SRCIN1: variants seen among roughly 807,000 people sequenced by gnomAD.
The protein encoded by SRCIN1 is SRC kinase signaling inhibitor 1, also known as P130Cas-associated protein.
Under a neutral mutation model 116.2 loss-of-function variants are expected in SRCIN1, and 50 were observed. The observed-to-expected ratio is 0.43, with a 90% CI of 0.34 to 0.54. The LOEUF is 0.54. Ranked by LOEUF, SRCIN1 falls within the 20% of genes least tolerant of loss-of-function variation. The pLI is 0.02. For missense variants in SRCIN1, 1,446 were observed against 1,672.0 expected (o/e 0.86, Z 2.36); for synonymous variants, 736 against 750.0 (o/e 0.98, Z 0.30).
At chr17:38,540,020 CAAAAAAAAAAAA>C (rs71138631) in intron 18 of SRCIN1, among the ~76,000 whole-genome samples, 1 of 60,988 alleles carries the variant, frequency 1.6e-5, no homozygotes, top group East Asian at 3.8e-4. Flanking sequence ...GACTCCATCT[CAAAAAAAAAAAA>C]AAAAAAAAAA....
chr17:38,595,458 C>T (rs533027505), intron 1 of SRCIN1, among the ~76,000 whole-genome samples: 8 of 152,180 alleles, frequency 5.3e-5, no homozygotes, highest in African/African-American at 7.2e-5. Context: ...CCTCATGATC[C>T]GCCTGCCTCG....
chr17:38,578,476 GGGAGCC>G lies in SRCIN1; in HGVS notation c.324+8_324+13del. The G allele has an allele frequency of 1.9e-6, 3 of 1,562,946 alleles. No individual in the cohort carries two copies. Among genetic ancestry groups the G allele is most frequent in the Admixed American group, 1.8e-5 (1 of 54,146 alleles). On this transcript the variant is annotated splice_region_variant and intron_variant, in intron 2 of 18. Coordinates refer to ENST00000617146, the MANE Select transcript of SRCIN1 (RefSeq NM_025248.3). ...CGCGGCCGCAGCCGCAGCCGCAGCCGGGAGCCCACTCACCTGCTCTCGCATCCTGTC... is the reference window on the plus strand; with the variant it reads ...CGCGGCCGCAGCCGCAGCCGCAGCCGCACTCACCTGCTCTCGCATCCTGTC...
intron 1 of SRCIN1, among the ~76,000 whole-genome samples, chr17:38,583,156 A>T (rs570814538): frequency 6.6e-6 from 1 of 152,066 alleles, no homozygotes; most frequent in South Asian, 2.1e-4. Context: ...TGCAGCCTCA[A>T]CCTGGGCTCA....
chr17:38,588,817 G>C (rs534116205), intron 1 of SRCIN1, among the ~76,000 whole-genome samples: 5 of 152,262 alleles, frequency 3.3e-5, no homozygotes, highest in Admixed American at 3.3e-4. Flanking sequence ...ACTCATCAAC[G>C]GGCTCATCAA....
intron 1 of SRCIN1, among the ~76,000 whole-genome samples, chr17:38,601,662 G>GCA (rs71138637): frequency 0.25 from 38,180 of 149,834 alleles, 4,825 homozygotes; most frequent in Admixed American, 0.32. Context: ...ACGCTCGCGC[G>GCA]CACACACACA....
intron 3 of SRCIN1, among the ~76,000 whole-genome samples, chr17:38,567,129 T>A (rs1906766653): frequency 6.6e-6 from 1 of 152,200 alleles, no homozygotes; most frequent in Non-Finnish European, 1.5e-5. Flanking sequence ...GGTTTCAAAC[T>A]CCTGGGCTCA....
chr17:38,545,333 G>A (rs1905013133), intron 17 of SRCIN1: 1 of 152,282 alleles, frequency 6.6e-6, no homozygotes, highest in South Asian at 2.1e-4. Context: ...AGGGTCTGAG[G>A]TCTTGGGGTG....
intron 18 of SRCIN1, chr17:38,541,270 A>ATAAAT (rs1238954616): frequency 1.3e-5 from 2 of 151,978 alleles, no homozygotes; most frequent in Non-Finnish European, 2.9e-5. Context: ...ATAAAATAAA[A>ATAAAT]TAAAATAAAA....
At chr17:38,586,280 A>G (rs1384607819) in intron 1 of SRCIN1, among the ~76,000 whole-genome samples, 1 of 152,184 alleles carries the variant, frequency 6.6e-6, no homozygotes, top group East Asian at 1.9e-4. Flanking sequence ...GATCGAGGCC[A>G]TCCCCCCAGC....
chr17:38,560,485 C>T (rs1411629514), intron 7 of SRCIN1, 60 bp from the exon 8 acceptor site: 15 of 1,382,114 alleles, frequency 1.1e-5, no homozygotes, highest in Non-Finnish European at 1.4e-5. Context: ...TCCTGCCCAG[C>T]CCCCCATTCC....
At chr17:38,571,461 T>C (rs1489177746) in intron 2 of SRCIN1, among the ~76,000 whole-genome samples, 1 of 152,152 alleles carries the variant, frequency 6.6e-6, no homozygotes, top group Non-Finnish European at 1.5e-5. Flanking sequence ...CTGGGCCTTT[T>C]CCCTGGGAAT....
intron 1 of SRCIN1, among the ~76,000 whole-genome samples, chr17:38,582,960 A>AT (rs1018463663): frequency 1.3e-5 from 2 of 152,122 alleles, no homozygotes; most frequent in Non-Finnish European, 2.9e-5. Flanking sequence ...TTCAGGCATG[A>AT]TTTTAACTCC....
chr17:38,535,195 TTTTC>T (rs1303945687), intron 18 of SRCIN1, among the ~76,000 whole-genome samples: 5 of 146,032 alleles, frequency 3.4e-5, no homozygotes, highest in African/African-American at 1.1e-4. Flanking sequence ...CCCATTTGGG[TTTTC>T]TTTTTCTTTC....
Position 38,531,395 on chromosome 17 carries a change from T to C in SRCIN1, c.*1902A>G, listed in dbSNP as rs1163073055. On this transcript the variant is annotated 3_prime_UTR_variant, in exon 19 of 19. Coordinates refer to ENST00000617146, the MANE Select transcript of SRCIN1 (RefSeq NM_025248.3). ...AGGGAGAGTGCCGTGGTTTTCTTTT[T>C]TTTTTCTTTTTTAAATATTTATATA... The C allele has an allele frequency of 6.8e-6, 1 of 148,144 alleles. No individual in the cohort carries two copies. Among genetic ancestry groups the C allele is most frequent in the East Asian group, 1.9e-4 (1 of 5,158 alleles). The allele number at this position is 148,144 out of a possible 1,614,324, so 9.2% of individuals were successfully genotyped here. A position where few individuals can be genotyped will look rare whatever the true frequency, so the allele number is the denominator to read the frequency against.
chr17:38,591,408 A>C (rs980783740), intron 1 of SRCIN1, among the ~76,000 whole-genome samples: 5 of 152,124 alleles, frequency 3.3e-5, no homozygotes, highest in African/African-American at 9.7e-5. Context: ...CCAGCCCCCC[A>C]GCCATCTGCA....
intron 1 of SRCIN1, among the ~76,000 whole-genome samples, chr17:38,597,900 G>A (rs1017015296): frequency 3.9e-5 from 6 of 152,176 alleles, no homozygotes; most frequent in African/African-American, 1.4e-4. Flanking sequence ...GACCAGGAGG[G>A]GGTGAGCCAT....
At chr17:38,595,908 A>T (rs569411533) in intron 1 of SRCIN1, among the ~76,000 whole-genome samples, 4 of 151,886 alleles carry the variant, frequency 2.6e-5, no homozygotes, top group African/African-American at 9.6e-5. Flanking sequence ...AGAGTCAGGT[A>T]TCTGCTGCCC....
intron 9 of SRCIN1, 58 bp from the exon 10 acceptor site, chr17:38,559,830 G>A (rs1906107319): frequency 6.9e-7 from 1 of 1,457,086 alleles, no homozygotes; most frequent in Non-Finnish European, 9.1e-7. Flanking sequence ...GGGAAGGACT[G>A]GGCTGGGACA....
Position 38,578,774 on chromosome 17 carries a change from G to T in SRCIN1, c.40C>A (p.Pro14Thr), listed in dbSNP as rs764949166. 1.4e-4 allele frequency: 208 copies of T among 1,505,856 alleles called. No homozygotes were observed. Among genetic ancestry groups the T allele is most frequent in the East Asian group, 3.5e-4 (14 of 40,190 alleles). 93.3% of individuals were successfully genotyped at this position (1,505,856 alleles called of 1,614,324 possible). A position where few individuals can be genotyped will look rare whatever the true frequency, so the allele number is the denominator to read the frequency against. ...APSQDPERSS[P>T]PMLSADDAEY... ...GCATCGTCCGCAGACAGCATGGGGGGGCTGCTCCGCTCCGGATCTGCGAGA... is the reference window on the plus strand; with the variant it reads ...GCATCGTCCGCAGACAGCATGGGGGTGCTGCTCCGCTCCGGATCTGCGAGA... The change falls in exon 2 of 19, where the codon CCC (proline) becomes ACC (threonine). Residue 14 changes from proline to threonine, a missense_variant. Physicochemically the swap from Pro to Thr is conservative, Grantham distance 38. Around this residue, in one of 5 missense-constraint regions of SRCIN1, gnomAD observed 246 missense variants for 265.1 expected, o/e 0.93. Coordinates refer to ENST00000617146, the MANE Select transcript of SRCIN1 (RefSeq NM_025248.3).
Sources: allele counts gnomAD v4.1 joint callset (sites outside exome capture counted in the v4.1 genomes callset), GRCh38; gene constraint gnomAD v4.1.1; regional missense constraint gnomAD v4.1.1; transcripts MANE v1.5; gene names NCBI Gene and HGNC (gene_info 2026-07-23, HGNC 2026-07-21).